THAP1: variants seen among roughly 807,000 people sequenced by gnomAD.
The protein encoded by THAP1 is THAP domain-containing protein 1.
THAP1 carries 6 observed loss-of-function variants against 18.2 expected under a neutral mutation model. That is an observed-to-expected ratio of 0.33 (90% CI 0.18 to 0.65). THAP1 has a LOEUF of 0.65. Ranked by LOEUF, THAP1 falls within the 30% of genes least tolerant of loss-of-function variation. THAP1 has a pLI of 0.74. For missense variants in THAP1, 176 were observed against 253.0 expected (o/e 0.70, Z 2.06); for synonymous variants, 85 against 90.5 (o/e 0.94, Z 0.34).
At chr8:42,842,699 G>A in intron 1 of THAP1, 1 of 166,638 alleles carries the variant, frequency 6.0e-6, no homozygotes, top group Non-Finnish European at 1.3e-5. Context: ...ACACCTGGCT[G>A]CTCTGTGACC....
At chr8:42,842,870 C>A in intron 1 of THAP1, 154 bp downstream of exon 1, 1 of 480,648 alleles carries the variant, frequency 2.1e-6, no homozygotes, top group Non-Finnish European at 2.9e-6. Context: ...GGCGGCGGTT[C>A]CCAGCGGGAC....
intron 1 of THAP1, among the ~76,000 whole-genome samples, chr8:42,839,813 C>T (rs916450644): frequency 6.6e-6 from 1 of 152,206 alleles, no homozygotes; most frequent in African/African-American, 2.4e-5. Context: ...CCAAAGTGCT[C>T]GAATTACATG....
Position 42,843,147 on chromosome 8 carries a change from T to C in THAP1, c.-53A>G. 6.2e-7 allele frequency: 1 copy of C among 1,604,906 alleles called. No individual in the cohort carries two copies. The highest frequency in any genetic ancestry group is 8.5e-7 in the Non-Finnish European group (1 of 1,172,206). Reference sequence around the variant, plus strand: ...TGCCGCCGCAGAAGGCAGGGGAAGCTGTTCTCAGTGTCGCTGCGCTCGGTT... The same window carrying C: ...TGCCGCCGCAGAAGGCAGGGGAAGCCGTTCTCAGTGTCGCTGCGCTCGGTT... On this transcript the variant is annotated 5_prime_UTR_variant, in exon 1 of 3. Transcript: ENST00000254250.
chr8:42,839,650 C>G (rs746700921), intron 1 of THAP1, among the ~76,000 whole-genome samples: 4 of 152,158 alleles, frequency 2.6e-5, no homozygotes, highest in Non-Finnish European at 5.9e-5. Flanking sequence ...CAGGTTCAAG[C>G]GATTCTCCTG....
rs1429788532 is a variant in THAP1, at chr8:42,840,693, TGGCCTGTAATCA to T, written c.72-1324_72-1313del. Among the ~76,000 whole-genome samples the T allele has an allele frequency of 3.3e-5, 5 of 152,250 alleles. No individual in the cohort carries two copies. The South Asian group carries it at 8.3e-4, about 25-fold the overall frequency. On this transcript the variant is annotated intron_variant, in intron 1 of 2. Transcript: ENST00000254250. The stretch of plus-strand genomic sequence containing the variant: ...AGAAAATCTCAGCTGGGGCTGGGCA[TGGCCTGTAATCA>T]GGCCTGTAATCCCAGCACTTTGGGA...
At chr8:42,842,932 G>T in intron 1 of THAP1, 92 bp downstream of exon 1, 1 of 845,882 alleles carries the variant, frequency 1.2e-6, no homozygotes, top group Non-Finnish European at 1.5e-6. Flanking sequence ...CGCCCCTCGC[G>T]CGGACACGCG....
In THAP1 at chr8:42,837,364, T is replaced by A. The variant is rs1396001366; in HGVS notation, c.*598A>T. The A allele has an allele frequency of 6.6e-6, 1 of 152,166 alleles. No individual in the cohort carries two copies. The highest frequency in any genetic ancestry group is 1.5e-5 in the Non-Finnish European group (1 of 68,040). The allele number at this position is 152,166 out of a possible 1,614,324, so 9.4% of individuals were successfully genotyped here. A position where few individuals can be genotyped will look rare whatever the true frequency, so the allele number is the denominator to read the frequency against. On this transcript the variant is annotated 3_prime_UTR_variant, in exon 3 of 3. Transcript: ENST00000254250. ...CACTCTTAGAATCTGAAGTTATTGA[T>A]CAGATATGCAATGACTTTTTTCTGC...
intron 1 of THAP1, among the ~76,000 whole-genome samples, chr8:42,840,142 C>G (rs981884578): frequency 6.6e-6 from 1 of 152,124 alleles, no homozygotes; most frequent in East Asian, 1.9e-4. Context: ...CTGCGGTGAG[C>G]TGAGATCATT....
chr8:42,843,004 G>A lies in THAP1; in HGVS notation c.71+20C>T. The A allele has an allele frequency of 6.3e-7, 1 of 1,599,864 alleles. No homozygotes were observed. The highest frequency in any genetic ancestry group is 8.5e-7 in the Non-Finnish European group (1 of 1,171,862). On this transcript the variant is annotated intron_variant, in intron 1 of 2. Transcript: ENST00000254250. ...CCACCCCGGCTGAGACCGGCCCCGCGAGGCGCGCAGGGTCCTCACTTGTGG... is the reference window on the plus strand; with the variant it reads ...CCACCCCGGCTGAGACCGGCCCCGCAAGGCGCGCAGGGTCCTCACTTGTGG...
At chr8:42,841,006 G>C (rs982901497) in intron 1 of THAP1, among the ~76,000 whole-genome samples, 1 of 150,768 alleles carries the variant, frequency 6.6e-6, no homozygotes, top group Admixed American at 6.6e-5. Context: ...ATCTCAACTG[G>C]AACGGCCTCT....
chr8:42,838,741 CT>C (rs989076391), intron 2 of THAP1, among the ~76,000 whole-genome samples: 40 of 152,118 alleles, frequency 2.6e-4, no homozygotes, highest in Non-Finnish European at 2.9e-4. Flanking sequence ...GAAATACTGA[CT>C]TTTTTTGGGA....
At chr8:42,840,938 G>A (rs1260484397) in intron 1 of THAP1, among the ~76,000 whole-genome samples, 4 of 138,562 alleles carry the variant, frequency 2.9e-5, no homozygotes, top group Non-Finnish European at 6.0e-5. Flanking sequence ...CTGCACTCTA[G>A]CCTGGTGACA....
At chr8:42,840,253 G>A (rs1163508751) in intron 1 of THAP1, among the ~76,000 whole-genome samples, 1 of 152,208 alleles carries the variant, frequency 6.6e-6, no homozygotes, top group Non-Finnish European at 1.5e-5. Context: ...GTGCTGCACA[G>A]AGAGACAAAG....
rs1200708399 is a variant in THAP1, at chr8:42,838,265, A to G, written c.339T>C (p.Asp113=). The G allele has an allele frequency of 2.5e-6, 4 of 1,614,186 alleles. No homozygotes were observed. The South Asian group carries it at 3.3e-5, about 13-fold the overall frequency. ...GCGGCATTAGTAATCCAATAGCAGC[A>G]TCAACCTGGGAAACAGGAGGCGGTA... ...PPLPPPVSQV[D]AAIGLLMPPL... The change falls in exon 3 of 3, where the codon GAT becomes GAC. Residue 113 remains aspartate, a synonymous_variant. Coordinates refer to ENST00000254250, the MANE Select transcript of THAP1 (RefSeq NM_018105.3).
intron 1 of THAP1, among the ~76,000 whole-genome samples, chr8:42,842,151 A>G (rs912357068): frequency 1.3e-5 from 2 of 152,248 alleles, no homozygotes; most frequent in African/African-American, 4.8e-5. Flanking sequence ...TTGCAAAGAA[A>G]ACTTAACATA....
Position 42,843,004 on chromosome 8 carries a change from G to C in THAP1, c.71+20C>G. 6.3e-7 allele frequency: 1 copy of C among 1,599,864 alleles called. No individual in the cohort carries two copies. Among genetic ancestry groups the C allele is most frequent in the African/African-American group, 1.3e-5 (1 of 74,334 alleles). ...CCACCCCGGCTGAGACCGGCCCCGC[G>C]AGGCGCGCAGGGTCCTCACTTGTGG... On this transcript the variant is annotated intron_variant, in intron 1 of 2. Coordinates refer to ENST00000254250, the MANE Select transcript of THAP1 (RefSeq NM_018105.3).
chr8:42,836,874 A>G lies in THAP1; in HGVS notation c.*1088T>C, dbSNP rs1378952055. 3 of 152,288 alleles carry G rather than the reference A, an allele frequency of 2.0e-5. No individual in the cohort carries two copies. The highest frequency in any genetic ancestry group is 4.4e-5 in the Non-Finnish European group (3 of 68,046). 9.4% of individuals were successfully genotyped at this position (152,288 alleles called of 1,614,324 possible). ...TGTAAAATTTCTCACAAAGAACAGAACTCACAGTTTGAACAGAAACCTCAG... is the reference window on the plus strand; with the variant it reads ...TGTAAAATTTCTCACAAAGAACAGAGCTCACAGTTTGAACAGAAACCTCAG... On this transcript the variant is annotated 3_prime_UTR_variant, in exon 3 of 3. Transcript: ENST00000254250.
Position 42,838,269 on chromosome 8 carries a change from A to G in THAP1, c.335T>C (p.Val112Ala). The G allele has an allele frequency of 6.2e-7, 1 of 1,614,114 alleles. No homozygotes were observed. Among genetic ancestry groups the G allele is most frequent in the Non-Finnish European group, 8.5e-7 (1 of 1,179,978 alleles). Reference sequence around the variant, plus strand: ...CATTAGTAATCCAATAGCAGCATCAACCTGGGAAACAGGAGGCGGTAAAGG... The same window carrying G: ...CATTAGTAATCCAATAGCAGCATCAGCCTGGGAAACAGGAGGCGGTAAAGG... ...PPPLPPPVSQ[V>A]DAAIGLLMPP... The change falls in exon 3 of 3, where the codon GTT becomes GCT. Residue 112 changes from valine (V) to alanine (A), a missense_variant. Coordinates refer to ENST00000254250, the MANE Select transcript of THAP1 (RefSeq NM_018105.3).
At chr8:42,840,554 G>A (rs968135921) in intron 1 of THAP1, among the ~76,000 whole-genome samples, 2 of 152,170 alleles carry the variant, frequency 1.3e-5, no homozygotes, top group Admixed American at 6.5e-5. Flanking sequence ...TTCCATGTAC[G>A]ATATGCTAGA....
Sources: gnomAD v4.1 joint callset for allele counts (sites outside exome capture counted in the v4.1 genomes callset) on GRCh38, gnomAD v4.1.1 for gene constraint, MANE v1.5 for transcripts, NCBI Gene and HGNC (gene_info 2026-07-23, HGNC 2026-07-21) for gene names.